Variants in LRP1B observed in about 807,000 individuals in gnomAD.
LRP1B encodes low-density lipoprotein receptor-related protein 1B.
LRP1B carries 217 observed loss-of-function variants against 556.6 expected under a neutral mutation model. The observed-to-expected ratio is 0.39, with a 90% CI of 0.35 to 0.44. LRP1B has a LOEUF of 0.44. LRP1B is among the 20% of genes least tolerant of loss of function. The pLI is 1.00. For missense variants in LRP1B, 5,053 were observed against 5,620.8 expected (o/e 0.90, Z 3.23); for synonymous variants, 2,047 against 1,865.8 (o/e 1.10, Z -2.50).
At chr2:141,294,328 T>C (rs1686096007) in intron 3 of LRP1B, among the ~76,000 whole-genome samples, 1 of 152,104 alleles carries the variant, frequency 6.6e-6, no homozygotes, top group Non-Finnish European at 1.5e-5. Context: ...ATATTATGAC[T>C]TAAGAAAAGT....
intron 1 of LRP1B, among the ~76,000 whole-genome samples, chr2:142,016,797 G>A (rs1191646174): frequency 1.3e-5 from 2 of 148,570 alleles, no homozygotes; most frequent in African/African-American, 5.0e-5. Flanking sequence ...TGCACGTTCT[G>A]CACATTTATC....
At chr2:141,625,451 C>T (rs1688672794) in intron 2 of LRP1B, among the ~76,000 whole-genome samples, 1 of 152,108 alleles carries the variant, frequency 6.6e-6, no homozygotes, top group Middle Eastern at 3.2e-3. Context: ...AAAACATTAT[C>T]TACTCCGTAC....
chr2:141,164,602 C>T (rs1574143395), intron 7 of LRP1B, among the ~76,000 whole-genome samples: 1 of 152,036 alleles, frequency 6.6e-6, no homozygotes, highest in Non-Finnish European at 1.5e-5. Flanking sequence ...TAGATTCAAC[C>T]CAAAGTACTC....
intron 1 of LRP1B, among the ~76,000 whole-genome samples, chr2:142,002,550 A>C (rs1371259876): frequency 6.6e-6 from 1 of 151,204 alleles, no homozygotes; most frequent in Non-Finnish European, 1.5e-5. Context: ...AGATTTATAC[A>C]TATCACATAA....
chr2:141,349,867 T>C (rs183682808), intron 3 of LRP1B, among the ~76,000 whole-genome samples: 4 of 152,070 alleles, frequency 2.6e-5, no homozygotes, highest in African/African-American at 9.7e-5. Context: ...ACAGGAAATA[T>C]AATGGTTGTT....
chr2:141,072,454 A>G (rs778244939), intron 7 of LRP1B, among the ~76,000 whole-genome samples: 4 of 152,024 alleles, frequency 2.6e-5, no homozygotes, highest in East Asian at 1.9e-4. Context: ...CTCTGTGCCT[A>G]TGACCTTTTA....
In LRP1B at chr2:140,506,836, A is replaced by C. The variant is rs368175608; in HGVS notation, c.8481T>G (p.Asp2827Glu). The change falls in exon 53 of 91, where the codon GAT becomes GAG. Residue 2827 changes from aspartate to glutamate, a missense_variant. By Grantham distance (45) the Asp-to-Glu change is conservative. Around this residue, in one of 5 missense-constraint regions of LRP1B, gnomAD observed 3,619 missense variants for 3,931.9 expected, o/e 0.92. Coordinates refer to ENST00000389484, the MANE Select transcript of LRP1B (RefSeq NM_018557.3). ...CATCAGAGCCATCTCCACAGTCGTC[A>C]TCATGGTCACAAACAAATTGCTTGG... ...CIPKQFVCDH[D>E]DDCGDGSDES... The C allele has an allele frequency of 4.3e-6, 7 of 1,613,958 alleles. No individual in the cohort carries two copies. The highest frequency in any genetic ancestry group is 5.1e-6 in the Non-Finnish European group (6 of 1,179,998).
At chr2:141,853,348 AAAT>A in intron 1 of LRP1B, among the ~76,000 whole-genome samples, 1 of 151,808 alleles carries the variant, frequency 6.6e-6, no homozygotes, top group African/African-American at 2.4e-5. Context: ...GCAATAGAAA[AAAT>A]AATGATATGT....
intron 2 of LRP1B, among the ~76,000 whole-genome samples, chr2:141,745,513 GC>G (rs1693883215): frequency 6.6e-6 from 1 of 151,860 alleles, no homozygotes. Context: ...TTCACTTCAG[GC>G]CCAGGGCCTC....
intron 2 of LRP1B, among the ~76,000 whole-genome samples, chr2:141,546,190 T>G (rs866119017): frequency 1.3e-5 from 2 of 152,122 alleles, no homozygotes; most frequent in Admixed American, 6.6e-5. Flanking sequence ...TCATCAAGTT[T>G]TTGATCACTT....
chr2:141,344,670 T>C (rs1337023923), intron 3 of LRP1B, among the ~76,000 whole-genome samples: 2 of 152,228 alleles, frequency 1.3e-5, no homozygotes, highest in Non-Finnish European at 2.9e-5. Context: ...CTCTCCTCCA[T>C]TGAAATATAA....
At chr2:141,795,358 ATAT>A (rs895575262) in intron 2 of LRP1B, among the ~76,000 whole-genome samples, 1 of 152,050 alleles carries the variant, frequency 6.6e-6, no homozygotes, top group Admixed American at 6.6e-5. Context: ...TTATAAAAAA[ATAT>A]TATGTTGTGT....
At chr2:140,689,100 G>A (rs553485908) in intron 41 of LRP1B, among the ~76,000 whole-genome samples, 1 of 152,312 alleles carries the variant, frequency 6.6e-6, no homozygotes, top group South Asian at 2.1e-4. Flanking sequence ...ATGGCATTCA[G>A]TACAGTGTTA....
At chr2:140,739,026 A>G (rs988581665) in intron 35 of LRP1B, among the ~76,000 whole-genome samples, 1 of 152,156 alleles carries the variant, frequency 6.6e-6, no homozygotes, top group Non-Finnish European at 1.5e-5. Context: ...TGTCCAGTGG[A>G]GCATGTGCAG....
chr2:141,477,351 T>C (rs954020818), intron 3 of LRP1B, among the ~76,000 whole-genome samples: 3 of 151,268 alleles, frequency 2.0e-5, no homozygotes, highest in Non-Finnish European at 4.4e-5. Context: ...TTTGAATTAA[T>C]CTGGTTTCTT....
At chr2:141,998,852 T>C (rs1418967881) in intron 1 of LRP1B, among the ~76,000 whole-genome samples, 1 of 152,178 alleles carries the variant, frequency 6.6e-6, no homozygotes, top group East Asian at 1.9e-4. Context: ...CAACGTTTTA[T>C]CATACAGATG....
intron 82 of LRP1B, among the ~76,000 whole-genome samples, chr2:140,318,583 G>GGTATTGT (rs1684630015): frequency 6.6e-6 from 1 of 151,982 alleles, no homozygotes; most frequent in South Asian, 2.1e-4. Flanking sequence ...CTTTTTGCAA[G>GGTATTGT]GTATTGTGCT....
At chr2:141,941,266 A>T (rs1205102454) in intron 1 of LRP1B, among the ~76,000 whole-genome samples, 1 of 152,212 alleles carries the variant, frequency 6.6e-6, no homozygotes, top group Non-Finnish European at 1.5e-5. Context: ...CATTGCATAC[A>T]ATCTGTACAA....
chr2:141,697,172 T>C (rs1278471420), intron 2 of LRP1B, among the ~76,000 whole-genome samples: 2 of 151,976 alleles, frequency 1.3e-5, no homozygotes, highest in Non-Finnish European at 1.5e-5. Flanking sequence ...AAATTTGTAG[T>C]TGATAAAACA....
Sources: allele counts gnomAD v4.1 joint callset (sites outside exome capture counted in the v4.1 genomes callset), GRCh38; gene constraint gnomAD v4.1.1; regional missense constraint gnomAD v4.1.1; transcripts MANE v1.5; gene names NCBI Gene and HGNC (gene_info 2026-07-23, HGNC 2026-07-21).